DUSP10: variants seen among roughly 807,000 people sequenced by gnomAD.
DUSP10 encodes the protein dual specificity phosphatase 10, also known as dual specificity protein phosphatase 10.
Under a neutral mutation model 30.8 loss-of-function variants are expected in DUSP10, and 14 were observed. The ratio of observed to expected loss-of-function variants is 0.46; its 90% CI spans 0.30 to 0.71. The LOEUF is 0.71. Among genes scored for constraint, DUSP10 ranks in the 30% least tolerant of loss-of-function variants. The pLI is 0.08. For synonymous variants in DUSP10, 254 were observed against 250.4 expected (o/e 1.01, Z -0.14); for missense variants, 550 against 619.4 (o/e 0.89, Z 1.19).
intron 2 of DUSP10, among the ~76,000 whole-genome samples, chr1:221,717,315 G>C (rs1661134189): frequency 6.6e-6 from 1 of 152,122 alleles, no homozygotes. Context: ...TAGAGGGGAA[G>C]GAAGGGAGGC....
At position 221,739,148 on chromosome 1, in the gene DUSP10, C is replaced by T; in HGVS notation, c.597G>A (p.Lys199=). 15 of 1,614,208 alleles carry T rather than the reference C, an allele frequency of 9.3e-6. No homozygotes were observed. Among genetic ancestry groups the T allele is most frequent in the Non-Finnish European group, 1.3e-5 (15 of 1,180,050 alleles). ...QGAVHINCAD[K]ISRRRLQQGK... is the part of the protein sequence containing the mutation. ...CCTGCTGCAGTCTCCGCCGGCTGATCTTATCGGCACAGTTAATGTGGACAG... is the reference window on the plus strand; with the variant it reads ...CCTGCTGCAGTCTCCGCCGGCTGATTTTATCGGCACAGTTAATGTGGACAG... Residue 199 remains lysine (K), a synonymous_variant, in exon 2 of 4, where the codon AAG becomes AAA. Transcript: ENST00000366899.
At chr1:221,714,902 TAAAA>T (rs1313564543) in intron 2 of DUSP10, among the ~76,000 whole-genome samples, 1 of 151,900 alleles carries the variant, frequency 6.6e-6, no homozygotes, top group African/African-American at 2.4e-5. Context: ...ACCCCAACGT[TAAAA>T]AAAACCCAGC....
In DUSP10 at chr1:221,706,201, G is replaced by A; in HGVS notation, c.1077C>T (p.Pro359=). Residue 359 remains proline (P), a synonymous_variant, in exon 3 of 4, where the codon CCC becomes CCT. Transcript: ENST00000366899. The surrounding 1 kb of genome is among the most constrained non-coding windows in gnomAD (Gnocchi z 4.6). ...ACAGGCCTTTCTCATAGTGGTAGAG[G>A]GGAAGATGAGTGGTGACGTTGATGA... ...GYVINVTTHL[P]LYHYEKGLFN... 6.2e-7 allele frequency: 1 copy of A among 1,614,172 alleles called. No homozygotes were observed. Among genetic ancestry groups the A allele is most frequent in the Non-Finnish European group, 8.5e-7 (1 of 1,180,028 alleles).
At chr1:221,715,681 C>G (rs998028787) in intron 2 of DUSP10, among the ~76,000 whole-genome samples, 10 of 152,208 alleles carry the variant, frequency 6.6e-5, no homozygotes, top group African/African-American at 2.4e-4. Flanking sequence ...ACAGAAAGCA[C>G]TGCCAGAAGC....
At chr1:221,732,798 C>A (rs1661656342) in intron 2 of DUSP10, among the ~76,000 whole-genome samples, 1 of 152,206 alleles carries the variant, frequency 6.6e-6, no homozygotes, top group Admixed American at 6.5e-5. Flanking sequence ...GGCTGCACCC[C>A]AGACCAATTT....
chr1:221,701,587 G>GAAAAAAAAAA lies in DUSP10; in HGVS notation c.*815_*824dup, dbSNP rs746817576. ...TGGCACTGTAACCAGAATCAAATCA[G>GAAAAAAAAAA]AAAAAAAAAAAAAAAAGGAAAAAGG... On this transcript the variant is annotated 3_prime_UTR_variant, in exon 4 of 4. Transcript: ENST00000366899. 2.4e-5 allele frequency: 1 copy of GAAAAAAAAAA among 41,118 alleles called. No homozygotes were observed. The highest frequency in any genetic ancestry group is 8.7e-5 in the African/African-American group (1 of 11,466). The allele number at this position is 41,118 out of a possible 1,614,324, so 2.5% of individuals were successfully genotyped here.
Position 221,702,220 on chromosome 1 carries a change from GTGAA to G in DUSP10, c.*188_*191del, listed in dbSNP as rs1660626654. ...TCCTTAATTTGTCAGTTTGTGGGAG[GTGAA>G]TCTCAATGGCATCAAAAGTTATAGT... On this transcript the variant is annotated 3_prime_UTR_variant, in exon 4 of 4. Transcript: ENST00000366899. The surrounding 1 kb of genome is among the most constrained non-coding windows in gnomAD (Gnocchi z 4.5). The G allele has an allele frequency of 1.6e-6, 1 of 608,110 alleles. No homozygotes were observed. The highest frequency in any genetic ancestry group is 2.4e-5 in the South Asian group (1 of 41,640). The allele number at this position is 608,110 out of a possible 1,614,324, so 37.7% of individuals were successfully genotyped here. A position where few individuals can be genotyped will look rare whatever the true frequency, so the allele number is the denominator to read the frequency against.
intron 2 of DUSP10, 56 bp downstream of exon 2, chr1:221,738,878 C>A (rs1314526449): frequency 5.9e-6 from 9 of 1,532,808 alleles, no homozygotes; most frequent in Non-Finnish European, 2.6e-6. Flanking sequence ...TACGAGAAAA[C>A]CCAAAGTGAA....
intron 2 of DUSP10, among the ~76,000 whole-genome samples, chr1:221,737,758 A>T (rs1350207445): frequency 6.6e-6 from 1 of 152,252 alleles, no homozygotes; most frequent in African/African-American, 2.4e-5. Context: ...AACAAAAGGC[A>T]GAATGCCCCA....
intron 2 of DUSP10, chr1:221,737,515 G>T: frequency 2.1e-6 from 2 of 972,498 alleles, no homozygotes; most frequent in Non-Finnish European, 2.4e-6. Context: ...ACATATTTGT[G>T]ACCTCAAGAA....
chr1:221,729,642 A>G (rs987085394), intron 2 of DUSP10, among the ~76,000 whole-genome samples: 8 of 152,368 alleles, frequency 5.3e-5, no homozygotes, highest in African/African-American at 1.9e-4. Flanking sequence ...AAAGCATTCA[A>G]TAGCTTTTAA....
At chr1:221,715,751 A>AT (rs1661080736) in intron 2 of DUSP10, among the ~76,000 whole-genome samples, 4 of 152,208 alleles carry the variant, frequency 2.6e-5, no homozygotes, top group Admixed American at 2.0e-4. Context: ...GCTTTGTGTT[A>AT]TTTTAATGAG....
chr1:221,704,799 A>C (rs1200298348), intron 3 of DUSP10, among the ~76,000 whole-genome samples: 2 of 152,152 alleles, frequency 1.3e-5, no homozygotes, highest in Non-Finnish European at 2.9e-5. Context: ...TTTCAGACTC[A>C]ATATTCCATG....
chr1:221,740,203 C>A (rs140998390), intron 1 of DUSP10, among the ~76,000 whole-genome samples: 13 of 152,302 alleles, frequency 8.5e-5, no homozygotes, highest in African/African-American at 2.4e-4. Flanking sequence ...ATTTGTCCAC[C>A]CTTGCATGCT....
At chr1:221,741,388 C>T (rs1279655594) in intron 1 of DUSP10, among the ~76,000 whole-genome samples, 1 of 152,034 alleles carries the variant, frequency 6.6e-6, no homozygotes, top group Non-Finnish European at 1.5e-5. Context: ...GCGCTGGGAC[C>T]CCCACCTCCA....
chr1:221,732,272 G>T (rs1661632956), intron 2 of DUSP10, among the ~76,000 whole-genome samples: 1 of 152,232 alleles, frequency 6.6e-6, no homozygotes, highest in South Asian at 2.1e-4. Context: ...GCCTAAGATG[G>T]TTGGGCTTCT....
intron 2 of DUSP10, among the ~76,000 whole-genome samples, chr1:221,710,545 C>A (rs529578969): frequency 6.6e-6 from 1 of 151,540 alleles, no homozygotes; most frequent in East Asian, 1.9e-4. Flanking sequence ...AAAAAAAAAT[C>A]TGCTTAATAT....
rs149781981 is a variant in DUSP10, at chr1:221,718,552, C to T, written c.812-12086G>A. On this transcript the variant is annotated intron_variant, in intron 2 of 3. Transcript: ENST00000366899. ...ATAAAACACAAAGCCATATTTCTCC[C>T]GAGAGCTCAACCAGATATTCTGCAT... is the stretch of plus-strand genomic sequence containing the variant. Among the ~76,000 whole-genome samples, 635 of 152,214 alleles carry T rather than the reference C, an allele frequency of 4.2e-3. 7 individuals are homozygous for T. Among genetic ancestry groups the T allele is most frequent in the African/African-American group, 0.015 (608 of 41,510 alleles).
intron 2 of DUSP10, among the ~76,000 whole-genome samples, chr1:221,733,353 C>T (rs1661672531): frequency 6.6e-6 from 1 of 152,244 alleles, no homozygotes; most frequent in Non-Finnish European, 1.5e-5. Flanking sequence ...AGGCAAAGTG[C>T]TTTACCTATT....
Sources: gnomAD v4.1 joint callset for allele counts (sites outside exome capture counted in the v4.1 genomes callset) on GRCh38, gnomAD v4.1.1 for gene constraint, Gnocchi (gnomAD v3.1) non-coding constraint, MANE v1.5 for transcripts, NCBI Gene and HGNC (gene_info 2026-07-23, HGNC 2026-07-21) for gene names.